RABGAP1L: variants seen among roughly 807,000 people sequenced by gnomAD.
RABGAP1L encodes the protein RAB GTPase activating protein 1 like.
In RABGAP1L, 63 loss-of-function variants were observed where a neutral mutation model predicts 137.7. That is an observed-to-expected ratio of 0.46 (90% CI 0.37 to 0.56). The LOEUF (loss-of-function observed/expected upper bound fraction) is 0.56. Among genes scored for constraint, RABGAP1L ranks in the 20% least tolerant of loss-of-function variants. RABGAP1L has a pLI of 0.00. For missense variants in RABGAP1L, 1,095 were observed against 1,244.0 expected (o/e 0.88, Z 1.80); for synonymous variants, 431 against 433.7 (o/e 0.99, Z 0.08).
At position 174,393,939 on chromosome 1, in the gene RABGAP1L, C is replaced by T. The variant is rs527257749; in HGVS notation, c.1560-56C>T. ...TAAACTAGTATACTTTTCATGGCAA[C>T]AGCAGTTCAGGAGTTGTAAAGGAAG... is the stretch of plus-strand genomic sequence containing the variant. On this transcript the variant is annotated intron_variant, in intron 12 of 25. Transcript: ENST00000681986. 3.2e-6 allele frequency: 5 copies of T among 1,567,958 alleles called. No individual in the cohort carries two copies. The East Asian group carries it at 6.8e-5, about 21-fold the overall frequency.
At chr1:174,394,179 G>T in intron 13 of RABGAP1L, 34 bp downstream of exon 13, 1 of 1,597,228 alleles carries the variant, frequency 6.3e-7, no homozygotes, top group Non-Finnish European at 8.5e-7. Flanking sequence ...TATTTTCATT[G>T]GATGACCTAT....
At chr1:174,615,363 A>G (rs1671719573) in intron 13 of RABGAP1L, among the ~76,000 whole-genome samples, 3 of 152,222 alleles carry the variant, frequency 2.0e-5, no homozygotes, top group Admixed American at 1.3e-4. Flanking sequence ...TTGCCTGGGT[A>G]TCAGCAGCAG....
At chr1:174,940,748 C>T (rs1250402201) in intron 19 of RABGAP1L, among the ~76,000 whole-genome samples, 1 of 152,198 alleles carries the variant, frequency 6.6e-6, no homozygotes, top group Non-Finnish European at 1.5e-5. Context: ...AGATATTCTG[C>T]CTCATAAGCC....
At chr1:174,371,347 T>C (rs1685099380) in intron 12 of RABGAP1L, among the ~76,000 whole-genome samples, 1 of 152,068 alleles carries the variant, frequency 6.6e-6, no homozygotes, top group South Asian at 2.1e-4. Flanking sequence ...ATTTGTCTTA[T>C]TATTTCACAT....
At chr1:174,882,564 T>G (rs6425301) in intron 19 of RABGAP1L, among the ~76,000 whole-genome samples, 53,768 of 152,034 alleles carry the variant, frequency 0.35, 12,014 homozygotes, top group African/African-American at 0.64. Flanking sequence ...TATGACCCAC[T>G]AAATTGAATT....
At chr1:174,852,491 G>T (rs1191667225) in intron 19 of RABGAP1L, among the ~76,000 whole-genome samples, 1 of 152,160 alleles carries the variant, frequency 6.6e-6, no homozygotes, top group Non-Finnish European at 1.5e-5. Flanking sequence ...CTTATGTGCA[G>T]TGTATTATAA....
chr1:174,534,196 T>C (rs1664691329), intron 13 of RABGAP1L, among the ~76,000 whole-genome samples: 1 of 150,550 alleles, frequency 6.6e-6, no homozygotes, highest in Non-Finnish European at 1.5e-5. Context: ...CTAAACAATA[T>C]TTAGCAAGTT....
chr1:174,632,263 G>A (rs1419258096), intron 13 of RABGAP1L, among the ~76,000 whole-genome samples: 3 of 146,416 alleles, frequency 2.0e-5, no homozygotes, highest in African/African-American at 5.3e-5. Flanking sequence ...CGAGAGATCC[G>A]CTGTTAGTCT....
intron 10 of RABGAP1L, among the ~76,000 whole-genome samples, chr1:174,303,700 G>C (rs1169667286): frequency 1.3e-5 from 2 of 151,980 alleles, no homozygotes; most frequent in African/African-American, 4.8e-5. Context: ...TCAGTTTTTA[G>C]GTGCAATATT....
In RABGAP1L at chr1:174,702,100, C is replaced by CT; in HGVS notation, c.2026-10dup. 6.2e-7 allele frequency: 1 copy of CT among 1,603,304 alleles called. No individual in the cohort carries two copies. Among genetic ancestry groups the CT allele is most frequent in the East Asian group, 2.2e-5 (1 of 44,588 alleles). ...CTTCTCATTGCTCCTAAATTTTCCA[C>CT]TTTGACTTTTAGGAACAGCTACCGG... On this transcript the variant is annotated splice_polypyrimidine_tract_variant and intron_variant, in intron 16 of 25. Coordinates refer to ENST00000681986, the MANE Select transcript of RABGAP1L (RefSeq NM_001366446.1).
chr1:174,186,275 G>A (rs1213183288), intron 1 of RABGAP1L, among the ~76,000 whole-genome samples: 3 of 152,028 alleles, frequency 2.0e-5, no homozygotes, highest in Non-Finnish European at 4.4e-5. Context: ...TTACCAAATA[G>A]AATATTGGAC....
chr1:174,687,891 A>AT (rs985459663), intron 15 of RABGAP1L, among the ~76,000 whole-genome samples: 2 of 152,108 alleles, frequency 1.3e-5, no homozygotes, highest in Non-Finnish European at 2.9e-5. Context: ...AATTTTTAGG[A>AT]TTTTTTCGTG....
At chr1:174,794,742 C>G (rs986710881) in intron 18 of RABGAP1L, among the ~76,000 whole-genome samples, 1 of 152,210 alleles carries the variant, frequency 6.6e-6, no homozygotes, top group African/African-American at 2.4e-5. Flanking sequence ...ATACCTACCT[C>G]ATAGCACACA....
intron 17 of RABGAP1L, among the ~76,000 whole-genome samples, chr1:174,729,183 A>G (rs1160087183): frequency 6.6e-6 from 1 of 152,176 alleles, no homozygotes; most frequent in East Asian, 1.9e-4. Flanking sequence ...CACACTTACA[A>G]CTATCTGATC....
chr1:174,576,442 C>A (rs1016325449), intron 13 of RABGAP1L, among the ~76,000 whole-genome samples: 9 of 152,160 alleles, frequency 5.9e-5, no homozygotes, highest in African/African-American at 2.2e-4. Flanking sequence ...TGATGTGAAA[C>A]CTCCCTGACT....
intron 19 of RABGAP1L, among the ~76,000 whole-genome samples, chr1:174,819,976 T>C (rs1690849402): frequency 6.6e-6 from 1 of 152,106 alleles, no homozygotes; most frequent in Non-Finnish European, 1.5e-5. Context: ...GGATATTTCA[T>C]TTGAAGTTTT....
At chr1:174,928,915 A>G (rs1205592014) in intron 19 of RABGAP1L, among the ~76,000 whole-genome samples, 3 of 152,140 alleles carry the variant, frequency 2.0e-5, no homozygotes, top group Admixed American at 6.6e-5. Context: ...GTGATTTTCA[A>G]ATATCTTTCC....
intron 13 of RABGAP1L, among the ~76,000 whole-genome samples, chr1:174,513,906 T>C (rs887548902): frequency 1.3e-5 from 2 of 152,104 alleles, no homozygotes; most frequent in Admixed American, 6.6e-5. Flanking sequence ...ACACTCCATA[T>C]GAGAAATTGT....
intron 1 of RABGAP1L, among the ~76,000 whole-genome samples, chr1:174,168,845 T>A (rs1665120903): frequency 6.6e-6 from 1 of 152,204 alleles, no homozygotes; most frequent in Non-Finnish European, 1.5e-5. Flanking sequence ...CTCTTAAGTT[T>A]AAAAAATTAA....
Sources: gnomAD v4.1 joint callset for allele counts (sites outside exome capture counted in the v4.1 genomes callset) on GRCh38, gnomAD v4.1.1 for gene constraint, MANE v1.5 for transcripts, NCBI Gene and HGNC (gene_info 2026-07-23, HGNC 2026-07-21) for gene names.